Variants in SLC40A1 observed in about 807,000 individuals in gnomAD.
The protein encoded by SLC40A1 is solute carrier family 40 member 1, also known as ferroportin.
Under a neutral mutation model 53.5 loss-of-function variants are expected in SLC40A1, and 16 were observed. The ratio of observed to expected loss-of-function variants is 0.30; its 90% CI spans 0.20 to 0.45. The LOEUF is 0.45. Among genes scored for constraint, SLC40A1 ranks in the 20% least tolerant of loss-of-function variants. The pLI is 1.00. For missense variants in SLC40A1, 545 were observed against 695.4 expected, an observed-to-expected ratio of 0.78 and a Z score of 2.43; for synonymous variants, 247 against 253.2, an observed-to-expected ratio of 0.98 and a Z score of 0.23.
At chr2:189,573,149 G>C (rs944882852) in intron 3 of SLC40A1, among the ~76,000 whole-genome samples, 188 bp from the exon 4 acceptor site, 1 of 152,146 alleles carries the variant, frequency 6.6e-6, no homozygotes, top group Non-Finnish European at 1.5e-5. Flanking sequence ...GATCACACCA[G>C]ACCAGTAAAT....
rs575914237 is a variant in SLC40A1 at position 189,567,832 on chromosome 2, C to T, written c.515-2233G>A. On this transcript the variant is annotated intron_variant, in intron 5 of 7. Transcript: ENST00000261024. ...CATTGATCTTACACTTGACTGCCACCGCAGAGGTTTCACTACCATCTGCCT... is the reference window on the plus strand; with the variant it reads ...CATTGATCTTACACTTGACTGCCACTGCAGAGGTTTCACTACCATCTGCCT... Among the ~76,000 whole-genome samples, 233 of 152,268 alleles carry T rather than the reference C, an allele frequency of 1.5e-3. 1 individual carries two copies. The highest frequency in any genetic ancestry group is 5.2e-3 in the African/African-American group (218 of 41,554).
In SLC40A1 at chr2:189,563,861, G is replaced by T; in HGVS notation, c.1125C>A (p.Ile375=). Residue 375 remains isoleucine (I), a synonymous_variant, in exon 7 of 8, where the codon ATC becomes ATA. Transcript: ENST00000261024. ...AACAGGAAAGCTGTGCCAATCCTGA[G>T]ATCAGACCTGTCCGAACCAAACCAC... ...RKCGLVRTGL[I]SGLAQLSCLI... is the part of the protein sequence containing the mutation. The T allele has an allele frequency of 1.2e-6, 2 of 1,614,206 alleles. No individual in the cohort carries two copies. Among genetic ancestry groups the T allele is most frequent in the South Asian group, 1.1e-5 (1 of 91,078 alleles).
intron 3 of SLC40A1, 124 bp downstream of exon 3, chr2:189,575,037 C>T (rs994146105): frequency 1.2e-5 from 14 of 1,137,038 alleles, no homozygotes; most frequent in Non-Finnish European, 1.7e-5. Context: ...GCCCTCCTCC[C>T]TCAAGTGTGG....
chr2:189,578,444 T>C (rs2031361182), intron 2 of SLC40A1: 1 of 871,584 alleles, frequency 1.1e-6, no homozygotes, highest in Non-Finnish European at 1.4e-6. Context: ...ACGGTGCCAC[T>C]GGTTTTCTGG....
At chr2:189,566,906 C>A (rs1303047162) in intron 5 of SLC40A1, among the ~76,000 whole-genome samples, 1 of 152,128 alleles carries the variant, frequency 6.6e-6, no homozygotes, top group Non-Finnish European at 1.5e-5. Flanking sequence ...CATGAAAGGA[C>A]CAACTCTGTG....
At chr2:189,578,143 A>G in intron 2 of SLC40A1, 1 of 902,114 alleles carries the variant, frequency 1.1e-6, no homozygotes, top group Non-Finnish European at 1.3e-6. Context: ...CACATAATAC[A>G]GAAACATAAA....
intron 3 of SLC40A1, among the ~76,000 whole-genome samples, chr2:189,574,247 A>G (rs2031223172): frequency 6.6e-6 from 1 of 152,204 alleles, no homozygotes; most frequent in African/African-American, 2.4e-5. Flanking sequence ...TAATATTCCT[A>G]TGTTCCTATG....
chr2:189,573,493 A>G (rs1386080380), intron 3 of SLC40A1, among the ~76,000 whole-genome samples: 1 of 152,214 alleles, frequency 6.6e-6, no homozygotes, highest in Non-Finnish European at 1.5e-5. Flanking sequence ...CATTGCTACG[A>G]AATTCTAAGC....
chr2:189,577,708 G>C (rs979354949), intron 2 of SLC40A1, among the ~76,000 whole-genome samples: 1 of 149,670 alleles, frequency 6.7e-6, no homozygotes. Flanking sequence ...TCAAACTCCT[G>C]GGTTCAAGCA....
chr2:189,562,356 A>C (rs1283777249), intron 7 of SLC40A1, among the ~76,000 whole-genome samples, 165 bp from the exon 8 acceptor site: 1 of 152,206 alleles, frequency 6.6e-6, no homozygotes, highest in African/African-American at 2.4e-5. Context: ...TTTTTCATAA[A>C]TAAATATTGG....
At chr2:189,566,450 T>C (rs987046163) in intron 5 of SLC40A1, among the ~76,000 whole-genome samples, 2 of 152,200 alleles carry the variant, frequency 1.3e-5, no homozygotes, top group African/African-American at 2.4e-5. Flanking sequence ...CTTTTGGATA[T>C]GTTTTGACAA....
At chr2:189,565,625 G>C (rs750685613) in intron 5 of SLC40A1, 26 bp from the exon 6 acceptor site, 1 of 1,614,084 alleles carries the variant, frequency 6.2e-7, no homozygotes, top group East Asian at 2.2e-5. Flanking sequence ...AAAGAGGCAG[G>C]TAAGTGTGCA....
rs1455834355 is a variant in SLC40A1, at chr2:189,579,785, T to C, written c.111+28A>G. The C allele has an allele frequency of 5.6e-6, 9 of 1,597,660 alleles. No homozygotes were observed. The East Asian group carries it at 1.8e-4, about 32-fold the overall frequency. ...AAGGAAATAAAAAATTGCGCAACTG[T>C]GTTGTAAGACTATGCATTCTCACTT... On this transcript the variant is annotated intron_variant, in intron 2 of 7. Coordinates refer to ENST00000261024, the MANE Select transcript of SLC40A1 (RefSeq NM_014585.6).
chr2:189,562,145 A>G lies in SLC40A1; in HGVS notation c.1449T>C (p.Asn483=). Residue 483 remains asparagine, a synonymous_variant, in exon 8 of 8, where the codon AAT becomes AAC. Transcript: ENST00000261024. ...DLTVTQLLQE[N]VIESERGIIN... ...TAATGCCTCTTTCAGATTCAATTAC[A>G]TTTTCTTGCAGCAACTGTGTCACAG... 1 of 1,613,830 alleles carries G rather than the reference A, an allele frequency of 6.2e-7. No homozygotes were observed. Among genetic ancestry groups the G allele is most frequent in the Non-Finnish European group, 8.5e-7 (1 of 1,179,816 alleles).
chr2:189,571,419 T>G (rs2031119401), intron 5 of SLC40A1, among the ~76,000 whole-genome samples: 1 of 150,412 alleles, frequency 6.6e-6, no homozygotes, highest in Non-Finnish European at 1.5e-5. Context: ...AGTATAAACA[T>G]TTAGAAAGTT....
Position 189,580,498 on chromosome 2 carries a change from A to G in SLC40A1, c.-38T>C, listed in dbSNP as rs746141808. The G allele has an allele frequency of 4.3e-6, 7 of 1,612,386 alleles. No homozygotes were observed. The highest frequency in any genetic ancestry group is 5.1e-6 in the Non-Finnish European group (6 of 1,179,984). On this transcript the variant is annotated 5_prime_UTR_variant, in exon 1 of 8. Transcript: ENST00000261024. ...CCCCGCTGGCTCTTCTGCGGCTGCT[A>G]TCGCTGCTGCTGCTCTCGCTGAGGT...
At position 189,580,403 on chromosome 2, in the gene SLC40A1, G is replaced by C. The variant is rs904955005; in HGVS notation, c.43+15C>G. The C allele has an allele frequency of 1.9e-6, 3 of 1,613,512 alleles. No homozygotes were observed. Among genetic ancestry groups the C allele is most frequent in the Non-Finnish European group, 2.5e-6 (3 of 1,179,912 alleles). On this transcript the variant is annotated intron_variant, in intron 1 of 7. Coordinates refer to ENST00000261024, the MANE Select transcript of SLC40A1 (RefSeq NM_014585.6). ...CCTGGGTTTCCACCATATGCTTTCGGTCAACGACACTCACCACAGCATCCT... is the reference window on the plus strand; with the variant it reads ...CCTGGGTTTCCACCATATGCTTTCGCTCAACGACACTCACCACAGCATCCT...
chr2:189,566,565 A>G (rs2030945143), intron 5 of SLC40A1, among the ~76,000 whole-genome samples: 2 of 152,232 alleles, frequency 1.3e-5, no homozygotes, highest in Non-Finnish European at 2.9e-5. Flanking sequence ...CTGGAATGAT[A>G]CAGTAGATAA....
chr2:189,564,042 G>C lies in SLC40A1; in HGVS notation c.944C>G (p.Ala315Gly), dbSNP rs980394112. Residue 315 changes from alanine (A) to glycine (G), a missense_variant, in exon 7 of 8, where the codon GCT becomes GGT. By Grantham distance (60) the Ala-to-Gly change is moderately conservative. This residue lies in a region of SLC40A1 where 7 missense variants were observed against 26.7 expected (regional missense o/e 0.26). Coordinates refer to ENST00000261024, the MANE Select transcript of SLC40A1 (RefSeq NM_014585.6). ...QPVFLAGMGL[A>G]FLYMTVLGFD... is the part of the protein sequence containing the mutation. ...GCCCAGGACAGTCATATAAAGGAAA[G>C]CAAGACCCATGCCAGCCAGAAACAC... 7.4e-6 allele frequency: 12 copies of C among 1,613,256 alleles called. No homozygotes were observed. The highest frequency in any genetic ancestry group is 1.3e-5 in the African/African-American group (1 of 74,892).
Sources: gnomAD v4.1 joint callset for allele counts (sites outside exome capture counted in the v4.1 genomes callset) on GRCh38, gnomAD v4.1.1 for gene constraint, gnomAD v4.1.1 regional missense constraint, MANE v1.5 for transcripts, NCBI Gene and HGNC (gene_info 2026-07-23, HGNC 2026-07-21) for gene names.